Variants in MISP observed in about 807,000 individuals in gnomAD.
The protein encoded by MISP is mitotic spindle positioning, also known as mitotic interactor and substrate of PLK1.
MISP carries 51 observed loss-of-function variants against 49.3 expected under a neutral mutation model. That is an observed-to-expected ratio of 1.03 (90% CI 0.83 to 1.31). The LOEUF is 1.31. Among genes scored for constraint, MISP ranks in the 50% most tolerant of loss-of-function variants. The pLI is 0.00. For synonymous variants in MISP, 444 were observed against 392.6 expected, an observed-to-expected ratio of 1.13 and a Z score of -1.55; for missense variants, 1,084 against 935.1, an observed-to-expected ratio of 1.16 and a Z score of -2.08.
At chr19:748,948 C>G (rs28623282), upstream of MISP, among the ~76,000 whole-genome samples, 13 of 152,318 alleles carry the variant, frequency 8.5e-5, no homozygotes, top group African/African-American at 3.1e-4. Flanking sequence ...ACCATCCTGG[C>G]CAACATACTG....
At chr19:751,706 C>T (rs541557093) in intron 1 of MISP, among the ~76,000 whole-genome samples, 3 of 152,068 alleles carry the variant, frequency 2.0e-5, no homozygotes, top group Admixed American at 6.5e-5. Flanking sequence ...CCTGGGTCCT[C>T]GGGTGGGGGT....
At chr19:761,224 G>A (rs573740242) in intron 3 of MISP, among the ~76,000 whole-genome samples, 20 of 148,020 alleles carry the variant, frequency 1.4e-4, no homozygotes, top group African/African-American at 4.2e-4. Context: ...CGTGTAGCTG[G>A]AATTACAGGT....
At position 763,676 on chromosome 19, in the gene MISP, A is replaced by G; in HGVS notation, c.*86A>G. ...CATCGCCAAGCCCCCACCCTAGGAA[A>G]TGGGTCCTAGGTCCAGGATCCAAGA... is the stretch of plus-strand genomic sequence containing the variant. On this transcript the variant is annotated 3_prime_UTR_variant, in exon 5 of 5. Coordinates refer to ENST00000215582, the MANE Select transcript of MISP (RefSeq NM_173481.4). 1 of 938,296 alleles carries G rather than the reference A, an allele frequency of 1.1e-6. No homozygotes were observed. The highest frequency in any genetic ancestry group is 1.7e-6 in the Non-Finnish European group (1 of 596,716). 58.1% of individuals were successfully genotyped at this position (938,296 alleles called of 1,614,324 possible).
chr19:758,572 G>A lies in MISP; in HGVS notation c.1626G>A (p.Gln542=). 1 of 1,614,264 alleles carries A rather than the reference G, an allele frequency of 6.2e-7. No homozygotes were observed. Among genetic ancestry groups the A allele is most frequent in the Non-Finnish European group, 8.5e-7 (1 of 1,180,044 alleles). ...CTGCACTGAGGCTGCAGAAGTCCCA[G>A]TCATCTGATCTGCTGGAAAGGGAGA... is the stretch of plus-strand genomic sequence containing the variant. ...GAPALRLQKS[Q]SSDLLERERE... Residue 542 remains glutamine, a synonymous_variant, in exon 2 of 5, where the codon CAG becomes CAA. Transcript: ENST00000215582.
In MISP at chr19:761,675, C is replaced by T; in HGVS notation, c.1950+12C>T. On this transcript the variant is annotated intron_variant, in intron 4 of 4. Coordinates refer to ENST00000215582, the MANE Select transcript of MISP (RefSeq NM_173481.4). ...GTATCAACTCAGAGGTGAGTATGCT[C>T]CTGGGCACGAAGACTCAAGTCTTTC... is the stretch of plus-strand genomic sequence containing the variant. 1 of 1,614,018 alleles carries T rather than the reference C, an allele frequency of 6.2e-7. No individual in the cohort carries two copies. The highest frequency in any genetic ancestry group is 8.5e-7 in the Non-Finnish European group (1 of 1,179,952).
rs1334430773 is a variant in MISP, at chr19:758,637, A to G, written c.1691A>G (p.Glu564Gly). Residue 564 changes from glutamate to glycine, a missense_variant, in exon 2 of 5, where the codon GAG becomes GGG. Transcript: ENST00000215582. The part of the protein sequence containing the change: ...VLRREQEVAE[E>G]RRNALFPEVF... Reference sequence around the variant, plus strand: ...CGCCGGGAGCAAGAGGTGGCAGAGGAGCGGAGAAATGCTCTCTTCCCAGAG... The same window carrying G: ...CGCCGGGAGCAAGAGGTGGCAGAGGGGCGGAGAAATGCTCTCTTCCCAGAG... The G allele has an allele frequency of 6.2e-7, 1 of 1,614,248 alleles. No individual in the cohort carries two copies. Among genetic ancestry groups the G allele is most frequent in the African/African-American group, 1.3e-5 (1 of 75,078 alleles).
Position 751,182 on chromosome 19 carries a change from G to C in MISP, c.-58+11G>C. 6.6e-6 allele frequency: 1 copy of C among 151,428 alleles called. No individual in the cohort carries two copies. Among genetic ancestry groups the C allele is most frequent in the South Asian group, 2.1e-4 (1 of 4,824 alleles). 9.4% of individuals were successfully genotyped at this position (151,428 alleles called of 1,614,324 possible). A position where few individuals can be genotyped will look rare whatever the true frequency, so the allele number is the denominator to read the frequency against. On this transcript the variant is annotated intron_variant, in intron 1 of 4. Transcript: ENST00000215582. ...GCCGGGAGCCGGCAGGTGAGGCTGGGGGCGCCCCGGGCCGGGCCGGGCGGG... is the reference window on the plus strand; with the variant it reads ...GCCGGGAGCCGGCAGGTGAGGCTGGCGGCGCCCCGGGCCGGGCCGGGCGGG...
chr19:754,150 C>G (rs1019412923), intron 1 of MISP, among the ~76,000 whole-genome samples: 1 of 151,906 alleles, frequency 6.6e-6, no homozygotes, highest in Non-Finnish European at 1.5e-5. Context: ...AAACCCGTCT[C>G]TACTAACAAT....
chr19:759,852 T>A, intron 2 of MISP, 57 bp from the exon 3 acceptor site: 1 of 1,599,098 alleles, frequency 6.3e-7, no homozygotes, highest in Non-Finnish European at 8.6e-7. Context: ...AGACTCTGTC[T>A]CCCGAGCAGA....
intron 2 of MISP, among the ~76,000 whole-genome samples, chr19:758,938 T>C (rs1301785369): frequency 2.0e-5 from 3 of 152,246 alleles, no homozygotes; most frequent in Non-Finnish European, 4.4e-5. Flanking sequence ...TTAGGGCTTT[T>C]GCTTTATGGA....
At chr19:748,530 G>A (rs1014242668), upstream of MISP, among the ~76,000 whole-genome samples, 3 of 152,184 alleles carry the variant, frequency 2.0e-5, no homozygotes, top group African/African-American at 4.8e-5. Context: ...AGGCCTGGCT[G>A]TAAGGGGCTG....
chr19:763,631 C>G lies in MISP; in HGVS notation c.*41C>G. 6.9e-6 allele frequency: 10 copies of G among 1,454,446 alleles called. No homozygotes were observed. The highest frequency in any genetic ancestry group is 9.6e-6 in the Non-Finnish European group (10 of 1,044,054). The allele number at this position is 1,454,446 out of a possible 1,614,324, so 90.1% of individuals were successfully genotyped here. A position where few individuals can be genotyped will look rare whatever the true frequency, so the allele number is the denominator to read the frequency against. ...GCCCACCCCCTGCCCTGCCCTGACC[C>G]TCGTGGGAACTGCCAAGACCATCGC... On this transcript the variant is annotated 3_prime_UTR_variant, in exon 5 of 5. Coordinates refer to ENST00000215582, the MANE Select transcript of MISP (RefSeq NM_173481.4).
intron 1 of MISP, among the ~76,000 whole-genome samples, chr19:752,515 C>G (rs2033475075): frequency 7.6e-6 from 1 of 131,238 alleles, no homozygotes; most frequent in Non-Finnish European, 1.5e-5. Context: ...CAGAGGGAGA[C>G]TCTATCTCAA....
chr19:753,692 C>CA (rs920642320), intron 1 of MISP, among the ~76,000 whole-genome samples: 18 of 149,988 alleles, frequency 1.2e-4, no homozygotes, highest in South Asian at 4.2e-4. Context: ...TGTTTAAAAA[C>CA]AAAAAAAAAT....
intron 4 of MISP, among the ~76,000 whole-genome samples, chr19:762,333 A>G (rs1308769664): frequency 6.6e-6 from 1 of 150,682 alleles, no homozygotes; most frequent in Non-Finnish European, 1.5e-5. Flanking sequence ...GCTCACTGCA[A>G]CTTCCGCCTT....
rs368619169 is a variant in MISP at position 758,611 on chromosome 19, G to A, written c.1665G>A (p.Leu555=). ...TGGAAAGGGAGAGGGAGAGTGTCCT[G>A]CGCCGGGAGCAAGAGGTGGCAGAGG... ...DLLERERESV[L]RREQEVAEER... The change falls in exon 2 of 5, where the codon CTG becomes CTA. Residue 555 remains leucine, a synonymous_variant. Coordinates refer to ENST00000215582, the MANE Select transcript of MISP (RefSeq NM_173481.4). The A allele has an allele frequency of 9.3e-6, 15 of 1,614,154 alleles. No homozygotes were observed. Among genetic ancestry groups the A allele is most frequent in the Non-Finnish European group, 1.3e-5 (15 of 1,180,058 alleles).
chr19:751,028 G>C (rs1370858899), upstream of MISP: 1 of 152,650 alleles, frequency 6.6e-6, no homozygotes, highest in Non-Finnish European at 1.5e-5. Context: ...CCCAGGTGGG[G>C]CTGGGGGGAG....
chr19:757,530 C>G lies in MISP; in HGVS notation c.584C>G (p.Ala195Gly), dbSNP rs376883941. The part of the protein sequence containing the change: ...VVDREQIDFL[A>G]ARQQFLSLEQ... ...GACAGGGAGCAGATTGACTTCCTGG[C>G]AGCGAGACAGCAGTTCCTGAGTCTG... The change falls in exon 2 of 5, where the codon GCA becomes GGA. Residue 195 changes from alanine to glycine, a missense_variant. Transcript: ENST00000215582. The G allele has an allele frequency of 6.2e-7, 1 of 1,610,936 alleles. No individual in the cohort carries two copies. Among genetic ancestry groups the G allele is most frequent in the African/African-American group, 1.3e-5 (1 of 75,026 alleles).
At chr19:760,949 T>A (rs2144967606) in intron 3 of MISP, among the ~76,000 whole-genome samples, 1 of 152,122 alleles carries the variant, frequency 6.6e-6, no homozygotes, top group South Asian at 2.1e-4. Context: ...TGAATTTTGA[T>A]GCCTTGTTGT....
Sources: allele counts gnomAD v4.1 joint callset (sites outside exome capture counted in the v4.1 genomes callset), GRCh38; gene constraint gnomAD v4.1.1; transcripts MANE v1.5; gene names NCBI Gene and HGNC (gene_info 2026-07-23, HGNC 2026-07-21).